LCT: variants seen among roughly 807,000 people sequenced by gnomAD.
LCT encodes the protein lactase/phlorizin hydrolase.
In LCT, 90 loss-of-function variants were observed where a neutral mutation model predicts 173.0. The observed-to-expected ratio is 0.52, with a 90% confidence interval of 0.44 to 0.62. LCT has a LOEUF of 0.62. Ranked by LOEUF, LCT falls within the 20% of genes least tolerant of loss-of-function variation. LCT has a pLI of 0.00. For missense variants in LCT, 1,864 were observed against 2,431.4 expected, an observed-to-expected ratio of 0.77 and a Z score of 4.91; for synonymous variants, 853 against 957.6, an observed-to-expected ratio of 0.89 and a Z score of 2.02.
rs914083860 is a variant in LCT at position 135,822,109 on chromosome 2, A to C, written c.908-11T>G. On this transcript the variant is annotated splice_polypyrimidine_tract_variant and intron_variant, in intron 4 of 16. Transcript: ENST00000264162. ...GGTCTTTATTTATGGCTGTAAGAGA[A>C]GAAATTGAATTAACTCTATGTAAAT... 5 of 1,515,774 alleles carry C rather than the reference A, an allele frequency of 3.3e-6. No individual in the cohort carries two copies. The highest frequency in any genetic ancestry group is 4.6e-6 in the Non-Finnish European group (5 of 1,090,314). The allele number at this position is 1,515,774 out of a possible 1,614,324, so 93.9% of individuals were successfully genotyped here. A position where few individuals can be genotyped will look rare whatever the true frequency, so the allele number is the denominator to read the frequency against.
At chr2:135,792,067 T>G (rs1179395178) in intron 14 of LCT, among the ~76,000 whole-genome samples, 1 of 152,076 alleles carries the variant, frequency 6.6e-6, no homozygotes, top group Non-Finnish European at 1.5e-5. Flanking sequence ...AAACTGTGAG[T>G]TCCCAAAGTG....
chr2:135,812,521 G>C lies in LCT; in HGVS notation c.2143C>G (p.His715Asp), dbSNP rs749311540. ...TIGGFSQHVN[H>D]VWPQTSSSWI... ...GAGGATGAGGTCTGGGGCCACACATGGTTCACGTGTTGGGAGAAGCCTCCA... is the reference window on the plus strand; with the variant it reads ...GAGGATGAGGTCTGGGGCCACACATCGTTCACGTGTTGGGAGAAGCCTCCA... The change falls in exon 7 of 17, where the codon CAT becomes GAT. Residue 715 changes from histidine (H) to aspartate (D), a missense_variant. Around this residue, in one of 4 missense-constraint regions of LCT, gnomAD observed 755 missense variants for 926.3 expected, o/e 0.82. Transcript: ENST00000264162. 7 of 1,614,212 alleles carry C rather than the reference G, an allele frequency of 4.3e-6. No individual in the cohort carries two copies. Among genetic ancestry groups the C allele is most frequent in the Non-Finnish European group, 5.9e-6 (7 of 1,180,034 alleles).
intron 7 of LCT, chr2:135,810,227 C>A: frequency 1.9e-6 from 1 of 513,042 alleles, no homozygotes; most frequent in Admixed American, 3.4e-5. Flanking sequence ...GCTGTTTGAT[C>A]TGTAACTGGT....
chr2:135,804,929 C>G lies in LCT; in HGVS notation c.4302G>C (p.Glu1434Asp). 6.2e-7 allele frequency: 1 copy of G among 1,614,192 alleles called. No homozygotes were observed. The highest frequency in any genetic ancestry group is 8.5e-7 in the Non-Finnish European group (1 of 1,180,040). The change falls in exon 10 of 17, where the codon GAG (glutamate) becomes GAC (aspartate). Residue 1434 changes from glutamate (E) to aspartate (D), a missense_variant. Glu to Asp is a conservative substitution (Grantham distance 45). Around this residue, in one of 4 missense-constraint regions of LCT, gnomAD observed 514 missense variants for 750.1 expected, o/e 0.69. Coordinates refer to ENST00000264162, the MANE Select transcript of LCT (RefSeq NM_002299.4). Reference sequence around the variant, plus strand: ...CCAGGTTCTGCAGGGTGACCAGATCCTCAGCAATCTTGTGATAACTGTCAC... The same window carrying G: ...CCAGGTTCTGCAGGGTGACCAGATCGTCAGCAATCTTGTGATAACTGTCAC... ...VACDSYHKIA[E>D]DLVTLQNLGV...
At chr2:135,821,689 C>T in intron 5 of LCT, 1 of 322,196 alleles carries the variant, frequency 3.1e-6, no homozygotes, top group Non-Finnish European at 5.8e-6. Context: ...AGAGTTTCAC[C>T]ATGTTGCCCA....
intron 7 of LCT, 93 bp from the exon 8 acceptor site, chr2:135,810,086 C>T: frequency 2.3e-6 from 2 of 887,706 alleles, no homozygotes; most frequent in East Asian, 2.6e-5. Flanking sequence ...GTCTCAAACT[C>T]CTGGACTCAA....
In LCT at chr2:135,798,028, CCGAGACTTGT is replaced by C. The variant is rs2077596325; in HGVS notation, c.4967_4976del (p.Asn1656SerfsTer64). 6.9e-6 allele frequency: 11 copies of C among 1,583,836 alleles called. No homozygotes were observed. Among genetic ancestry groups the C allele is most frequent in the Non-Finnish European group, 9.5e-6 (11 of 1,152,320 alleles). ...CACCACTGCGGGCACCAGGCCCTTA[CCGAGACTTGT>C]TGAGGCCTGCAGCCAAGCTCCTGTC... On this transcript the variant is annotated frameshift_variant and splice_region_variant, in exon 13 of 17. Transcript: ENST00000264162. LOFTEE classifies it high-confidence loss of function.
Position 135,836,023 on chromosome 2 carries a change from TA to T in LCT, c.640+506del, listed in dbSNP as rs200302842. On this transcript the variant is annotated intron_variant, in intron 1 of 16. Coordinates refer to ENST00000264162, the MANE Select transcript of LCT (RefSeq NM_002299.4). Reference sequence around the variant, plus strand: ...ATATATATATATATATATGTATACATATTTTTTTTTTTTGAGATTGTGTCTT... The same window carrying T: ...ATATATATATATATATATGTATACATTTTTTTTTTTTTGAGATTGTGTCTT... 8.3e-3 allele frequency among the ~76,000 whole-genome samples: 1,125 copies of T among 134,918 alleles called. 89 individuals are homozygous for T. In the East Asian group the frequency reaches 0.16, roughly 19 times the overall value. The allele number at this position is 134,918 out of a possible 152,430, so 88.5% of individuals were successfully genotyped here.
At chr2:135,819,241 TGTG>T (rs1273652220) in intron 5 of LCT, among the ~76,000 whole-genome samples, 1 of 152,220 alleles carries the variant, frequency 6.6e-6, no homozygotes, top group Non-Finnish European at 1.5e-5. Flanking sequence ...TTATACAAAA[TGTG>T]GTCTGATTTT....
chr2:135,792,535 C>T (rs958629822), intron 14 of LCT, among the ~76,000 whole-genome samples: 3 of 152,106 alleles, frequency 2.0e-5, no homozygotes, highest in Non-Finnish European at 4.4e-5. Flanking sequence ...AGATCTCTGC[C>T]CTGCGCACTG....
chr2:135,797,427 A>G (rs1204738369), intron 13 of LCT, among the ~76,000 whole-genome samples: 1 of 152,118 alleles, frequency 6.6e-6, no homozygotes, highest in Non-Finnish European at 1.5e-5. Context: ...CCCCACCTGC[A>G]TGATTCTCAA....
intron 15 of LCT, 43 bp from the exon 16 acceptor site, chr2:135,789,841 A>G: frequency 6.5e-7 from 1 of 1,537,512 alleles, no homozygotes; most frequent in Non-Finnish European, 9.0e-7. Context: ...CCTATCTCAT[A>G]AGGCAGCTTC....
Position 135,817,322 on chromosome 2 carries a change from C to A in LCT, c.1707+19G>T, listed in dbSNP as rs776206943. The A allele has an allele frequency of 3.7e-6, 6 of 1,612,380 alleles. No homozygotes were observed. The highest frequency in any genetic ancestry group is 5.1e-6 in the Non-Finnish European group (6 of 1,178,924). On this transcript the variant is annotated intron_variant, in intron 6 of 16. Coordinates refer to ENST00000264162, the MANE Select transcript of LCT (RefSeq NM_002299.4). The stretch of plus-strand genomic sequence containing the variant: ...TCCTTTCTCCTCCAATTAGTAGGAG[C>A]TGCAGGGTTGGGAAGTACCTTAAAA...
chr2:135,812,970 A>C lies in LCT; in HGVS notation c.1708-14T>G, dbSNP rs992920344. On this transcript the variant is annotated splice_polypyrimidine_tract_variant and intron_variant, in intron 6 of 16. Transcript: ENST00000264162. ...CAAGTGAGCCACCTTGTGAAAAAGT[A>C]AGAAGGAAATACAGTGATTAGTAAT... The C allele has an allele frequency of 6.2e-7, 1 of 1,612,360 alleles. No homozygotes were observed. Among genetic ancestry groups the C allele is most frequent in the Non-Finnish European group, 8.5e-7 (1 of 1,178,930 alleles).
Position 135,790,655 on chromosome 2 carries a change from T to G in LCT, c.5335+3A>C. ...ACGCTGGGGAAGGGCGGGCCCGTCG[T>G]ACCTTTGAGGGCCTCATTGATGTAA... On this transcript the variant is annotated splice_donor_region_variant and intron_variant, in intron 15 of 16. Coordinates refer to ENST00000264162, the MANE Select transcript of LCT (RefSeq NM_002299.4). This position sits in a 1 kb window ranked among gnomAD's most constrained non-coding sequence, Gnocchi z 4.1. 6.3e-7 allele frequency: 1 copy of G among 1,598,994 alleles called. No individual in the cohort carries two copies. The highest frequency in any genetic ancestry group is 8.6e-7 in the Non-Finnish European group (1 of 1,167,634).
At position 135,808,687 on chromosome 2, in the gene LCT, C is replaced by T; in HGVS notation, c.3660G>A (p.Arg1220=). Residue 1220 remains arginine (R), a synonymous_variant, in exon 8 of 17, where the codon AGG becomes AGA. Coordinates refer to ENST00000264162, the MANE Select transcript of LCT (RefSeq NM_002299.4). ...YSRIVQHKTP[R]LNPPSYEDDQ... Reference sequence around the variant, plus strand: ...CGTCTTCGTAGGAGGGTGGGTTTAGCCTGGGTGTTTTGTGCTGCACGATTC... The same window carrying T: ...CGTCTTCGTAGGAGGGTGGGTTTAGTCTGGGTGTTTTGTGCTGCACGATTC... The T allele has an allele frequency of 3.7e-6, 6 of 1,614,192 alleles. No homozygotes were observed. The highest frequency in any genetic ancestry group is 5.1e-6 in the Non-Finnish European group (6 of 1,180,038).
At position 135,793,599 on chromosome 2, in the gene LCT, C is replaced by T. The variant is rs2077551361; in HGVS notation, c.5111+1042G>A. Among the ~76,000 whole-genome samples the T allele has an allele frequency of 3.3e-5, 5 of 152,146 alleles. No individual in the cohort carries two copies. The South Asian group carries it at 1.0e-3, about 31-fold the overall frequency. Reference sequence around the variant, plus strand: ...CCCCCAAAAGGTCGCACTAACTCTCCAGCTATGGATCCAAACCAAGAAGAA... The same window carrying T: ...CCCCCAAAAGGTCGCACTAACTCTCTAGCTATGGATCCAAACCAAGAAGAA... On this transcript the variant is annotated intron_variant, in intron 14 of 16. Transcript: ENST00000264162.
chr2:135,830,808 A>G (rs1309236652), intron 2 of LCT, among the ~76,000 whole-genome samples: 2 of 152,208 alleles, frequency 1.3e-5, no homozygotes, highest in East Asian at 3.8e-4. Flanking sequence ...TCTGCACAAC[A>G]CATCGTCACT....
chr2:135,817,217 G>T (rs753300146), intron 6 of LCT, 124 bp downstream of exon 6: 5 of 1,194,414 alleles, frequency 4.2e-6, no homozygotes, highest in Admixed American at 2.3e-5. Flanking sequence ...TTCCCTCCCC[G>T]ATTTCCTTTA....
Sources: allele counts gnomAD v4.1 joint callset (sites outside exome capture counted in the v4.1 genomes callset), GRCh38; gene constraint gnomAD v4.1.1; regional missense constraint gnomAD v4.1.1; non-coding constraint Gnocchi (gnomAD v3.1); transcripts MANE v1.5; gene names NCBI Gene and HGNC (gene_info 2026-07-23, HGNC 2026-07-21).